Variants in PSKH1 observed in about 807,000 individuals in gnomAD.
PSKH1 encodes serine/threonine-protein kinase H1.
PSKH1 carries 12 observed loss-of-function variants against 26.7 expected under a neutral mutation model. The observed-to-expected ratio is 0.45, with a 90% confidence interval of 0.29 to 0.73. The LOEUF (loss-of-function observed/expected upper bound fraction) is 0.73, where lower values mean the gene tolerates loss of function less well. PSKH1 is among the 30% of genes least tolerant of loss of function. The pLI is 0.11. For synonymous variants in PSKH1, 213 were observed against 234.3 expected (o/e 0.91, Z 0.83); for missense variants, 431 against 595.2 (o/e 0.72, Z 2.87).
intron 1 of PSKH1, among the ~76,000 whole-genome samples, chr16:67,893,603 C>G (rs2058118039): frequency 6.6e-6 from 1 of 152,254 alleles, no homozygotes; most frequent in Non-Finnish European, 1.5e-5. Context: ...CTGGATAGCC[C>G]GTCTCCAGGC....
At chr16:67,915,030 A>AT in intron 2 of PSKH1, among the ~76,000 whole-genome samples, 1 of 152,034 alleles carries the variant, frequency 6.6e-6, no homozygotes, top group Non-Finnish European at 1.5e-5. Flanking sequence ...CTGGCTATTG[A>AT]TTACCTGAGG....
chr16:67,903,792 T>A (rs2058148159), intron 1 of PSKH1, among the ~76,000 whole-genome samples: 1 of 151,370 alleles, frequency 6.6e-6, no homozygotes, highest in African/African-American at 2.4e-5. Flanking sequence ...ATGGAAGTTC[T>A]GCTGCTGATA....
chr16:67,895,236 T>G (rs7199763), intron 1 of PSKH1, among the ~76,000 whole-genome samples: 2,117 of 151,952 alleles, frequency 0.014, 23 homozygotes, highest in African/African-American at 0.034. Context: ...ATTTTTTTTT[T>G]TTTGTTTAAA....
At chr16:67,895,502 A>G (rs2058123973) in intron 1 of PSKH1, among the ~76,000 whole-genome samples, 1 of 150,884 alleles carries the variant, frequency 6.6e-6, no homozygotes, top group Admixed American at 6.6e-5. Flanking sequence ...TCCGCCTCCC[A>G]GGTTCAAGCG....
At chr16:67,908,077 C>T (rs1484406639) in intron 1 of PSKH1, among the ~76,000 whole-genome samples, 1 of 152,132 alleles carries the variant, frequency 6.6e-6, no homozygotes, top group Non-Finnish European at 1.5e-5. Flanking sequence ...GGTGGGCGCC[C>T]TGACAGCTGA....
intron 1 of PSKH1, among the ~76,000 whole-genome samples, chr16:67,907,648 G>A (rs889700282): frequency 6.6e-6 from 1 of 152,194 alleles, no homozygotes; most frequent in African/African-American, 2.4e-5. Context: ...AGTTCACTGG[G>A]GTTGATTCCA....
chr16:67,904,166 C>T (rs2058149467), intron 1 of PSKH1, among the ~76,000 whole-genome samples: 1 of 151,646 alleles, frequency 6.6e-6, no homozygotes, highest in Admixed American at 6.6e-5. Context: ...CAGGCGCCTG[C>T]CACAATGCCT....
intron 1 of PSKH1, among the ~76,000 whole-genome samples, chr16:67,901,174 G>C (rs541903709): frequency 6.6e-6 from 1 of 151,808 alleles, no homozygotes; most frequent in East Asian, 1.9e-4. Flanking sequence ...ATATCCTCCA[G>C]TTTCAATCTG....
Position 67,909,767 on chromosome 16 carries a change from C to T in PSKH1, c.957+61C>T, listed in dbSNP as rs763172810. 6.8e-7 allele frequency: 1 copy of T among 1,462,644 alleles called. No individual in the cohort carries two copies. The highest frequency in any genetic ancestry group is 9.3e-7 in the Non-Finnish European group (1 of 1,069,622). 90.6% of individuals were successfully genotyped at this position (1,462,644 alleles called of 1,614,324 possible). A position where few individuals can be genotyped will look rare whatever the true frequency, so the allele number is the denominator to read the frequency against. ...AGGCACCTGCGGGGGCAGGTATATCCTGCAGCTCTCAGTCAGAGGTATGTC... is the reference window on the plus strand; with the variant it reads ...AGGCACCTGCGGGGGCAGGTATATCTTGCAGCTCTCAGTCAGAGGTATGTC... On this transcript the variant is annotated intron_variant, in intron 2 of 2. Transcript: ENST00000291041. The surrounding 1 kb of genome is among the most constrained non-coding windows in gnomAD (Gnocchi z 7.8).
At chr16:67,922,764 T>C (rs879661424) in intron 2 of PSKH1, among the ~76,000 whole-genome samples, 14 of 152,220 alleles carry the variant, frequency 9.2e-5, no homozygotes, top group Admixed American at 9.2e-4. Flanking sequence ...GCTTGCAATC[T>C]AACCCTTTAA....
rs775711709 is a variant in PSKH1, at chr16:67,927,180, G to A, written c.958-145G>A. Reference sequence around the variant, plus strand: ...CAGCCCTTGTTCAGCCTGAGCCAGCGTTGGGCGGGGAGGCCCCAAGTGCTA... The same window carrying A: ...CAGCCCTTGTTCAGCCTGAGCCAGCATTGGGCGGGGAGGCCCCAAGTGCTA... On this transcript the variant is annotated intron_variant, in intron 2 of 2. Coordinates refer to ENST00000291041, the MANE Select transcript of PSKH1 (RefSeq NM_006742.3). This position sits in a 1 kb window ranked among gnomAD's most constrained non-coding sequence, Gnocchi z 5.5. The A allele has an allele frequency of 2.1e-5, 17 of 796,026 alleles. No homozygotes were observed. The highest frequency in any genetic ancestry group is 6.9e-5 in the African/African-American group (4 of 57,948). 49.3% of individuals were successfully genotyped at this position (796,026 alleles called of 1,614,324 possible).
chr16:67,898,519 G>T (rs2058132806), intron 1 of PSKH1, among the ~76,000 whole-genome samples: 1 of 151,952 alleles, frequency 6.6e-6, no homozygotes, highest in Non-Finnish European at 1.5e-5. Flanking sequence ...CCAGAGTGTT[G>T]GGATTATAGT....
At position 67,927,246 on chromosome 16, in the gene PSKH1, G is replaced by T; in HGVS notation, c.958-79G>T. 7.1e-7 allele frequency: 1 copy of T among 1,401,542 alleles called. No homozygotes were observed. Among genetic ancestry groups the T allele is most frequent in the South Asian group, 1.3e-5 (1 of 74,808 alleles). 86.8% of individuals were successfully genotyped at this position (1,401,542 alleles called of 1,614,324 possible). On this transcript the variant is annotated intron_variant, in intron 2 of 2. Transcript: ENST00000291041. This position sits in a 1 kb window ranked among gnomAD's most constrained non-coding sequence, Gnocchi z 5.5. ...AGCACCTCTCTCTGGAAAGGGGAGG[G>T]TTGCTGAGTAGTGGCCTCATCCAGA...
chr16:67,898,353 C>A (rs1010115600), intron 1 of PSKH1, among the ~76,000 whole-genome samples: 1 of 151,882 alleles, frequency 6.6e-6, no homozygotes, highest in African/African-American at 2.4e-5. Flanking sequence ...TGCAGCGAGC[C>A]GAGATTGCGC....
chr16:67,902,830 G>C (rs761895346), intron 1 of PSKH1, among the ~76,000 whole-genome samples: 3 of 152,086 alleles, frequency 2.0e-5, no homozygotes, highest in Non-Finnish European at 2.9e-5. Context: ...CTGAGTGGTC[G>C]TGGGCATCGG....
chr16:67,893,613 C>A (rs2058118107), intron 1 of PSKH1, among the ~76,000 whole-genome samples: 1 of 152,262 alleles, frequency 6.6e-6, no homozygotes, highest in Admixed American at 6.5e-5. Flanking sequence ...CGTCTCCAGG[C>A]CCGCTTGGGC....
intron 1 of PSKH1, among the ~76,000 whole-genome samples, chr16:67,903,797 C>A (rs1296923157): frequency 1.3e-5 from 2 of 150,614 alleles, no homozygotes; most frequent in Non-Finnish European, 2.9e-5. Context: ...AGTTCTGCTG[C>A]TGATAGCTCT....
intron 1 of PSKH1, among the ~76,000 whole-genome samples, chr16:67,906,625 A>G (rs1366907900): frequency 6.6e-6 from 1 of 152,138 alleles, no homozygotes; most frequent in Admixed American, 6.5e-5. Context: ...TCGGCCTCCC[A>G]AAGTGCTGGG....
chr16:67,908,532 G>A (rs538081606), intron 1 of PSKH1, 148 bp from the exon 2 acceptor site: 8 of 481,688 alleles, frequency 1.7e-5, no homozygotes, highest in South Asian at 4.5e-5. Flanking sequence ...GCTTCCCAAG[G>A]TGTTGGGATT....
Sources: gnomAD v4.1 joint callset for allele counts (sites outside exome capture counted in the v4.1 genomes callset) on GRCh38, gnomAD v4.1.1 for gene constraint, Gnocchi (gnomAD v3.1) non-coding constraint, MANE v1.5 for transcripts, NCBI Gene and HGNC (gene_info 2026-07-23, HGNC 2026-07-21) for gene names.